The following MAPK10 variants were observed in gnomAD, a reference collection of about 807,000 sequenced individuals.
MAPK10 encodes the protein mitogen-activated protein kinase 10, also known as JNK3 alpha protein kinase.
MAPK10 carries 25 observed loss-of-function variants against 59.3 expected under a neutral mutation model. The ratio of observed to expected loss-of-function variants is 0.42; its 90% CI spans 0.31 to 0.59. MAPK10 has a LOEUF of 0.59. Among genes scored for constraint, MAPK10 ranks in the 20% least tolerant of loss-of-function variants. The pLI, the probability that MAPK10 is intolerant of heterozygous loss-of-function variation, is 0.15. For missense variants in MAPK10, 351 were observed against 568.9 expected (o/e 0.62, Z 3.90); for synonymous variants, 190 against 200.5 (o/e 0.95, Z 0.44).
chr4:86,540,269 G>T (rs544855840), intron 1 of MAPK10, among the ~76,000 whole-genome samples: 1 of 152,376 alleles, frequency 6.6e-6, no homozygotes, highest in African/African-American at 2.4e-5. Flanking sequence ...GGAAGGCCAA[G>T]CTGGGCAGAT....
At chr4:86,018,624 C>T (rs1436524) in intron 13 of MAPK10, among the ~76,000 whole-genome samples, 32,237 of 152,150 alleles carry the variant, frequency 0.21, 4,151 homozygotes, top group African/African-American at 0.35. Flanking sequence ...TTGTGCGATA[C>T]AATTAAACCA....
chr4:86,167,500 T>C (rs7663763), intron 3 of MAPK10, among the ~76,000 whole-genome samples: 22,794 of 152,156 alleles, frequency 0.15, 1,790 homozygotes, highest in African/African-American at 0.2. Context: ...TCCAGCAACA[T>C]ATCAAAAAGC....
At chr4:86,196,737 G>T (rs148108477) in intron 2 of MAPK10, among the ~76,000 whole-genome samples, 12,935 of 152,100 alleles carry the variant, frequency 0.085, 1,214 homozygotes, top group African/African-American at 0.23. Flanking sequence ...AATTTTTGTA[G>T]AAGGTGTAAG....
intron 1 of MAPK10, among the ~76,000 whole-genome samples, chr4:86,375,170 TCAGAAATGTGTGCACACACA>T (rs1254702131): frequency 1.3e-5 from 2 of 152,114 alleles, no homozygotes; most frequent in African/African-American, 4.8e-5. Context: ...ATCAGAGTGC[TCAGAAATGTGTGCACACACA>T]CACATACACA....
At chr4:86,531,073 T>C (rs1757817733) in intron 1 of MAPK10, among the ~76,000 whole-genome samples, 1 of 152,154 alleles carries the variant, frequency 6.6e-6, no homozygotes, top group South Asian at 2.1e-4. Context: ...CACCAAGCTA[T>C]CACTTGGCAC....
chr4:86,451,698 T>C (rs1309313849), intron 1 of MAPK10, among the ~76,000 whole-genome samples: 1 of 152,180 alleles, frequency 6.6e-6, no homozygotes, highest in Non-Finnish European at 1.5e-5. Context: ...CTGAGTTATG[T>C]GCAACCCATG....
chr4:86,578,036 G>C (rs1312581786), intron 1 of MAPK10, among the ~76,000 whole-genome samples: 2 of 152,012 alleles, frequency 1.3e-5, no homozygotes, highest in African/African-American at 2.4e-5. Context: ...TCTAAGGTTG[G>C]TATTACTAAT....
At chr4:86,125,307 A>G (rs1047081008) in intron 4 of MAPK10, 2 of 152,000 alleles carry the variant, frequency 1.3e-5, no homozygotes, top group Non-Finnish European at 2.9e-5. Context: ...AGATTAATAT[A>G]CATGAGATGT....
chr4:86,321,062 A>G (rs1355581461), intron 2 of MAPK10, among the ~76,000 whole-genome samples: 1 of 152,058 alleles, frequency 6.6e-6, no homozygotes, highest in Non-Finnish European at 1.5e-5. Flanking sequence ...TTAGAATGGC[A>G]ATCATTAAAA....
chr4:86,211,933 A>C (rs1424523551), intron 2 of MAPK10, among the ~76,000 whole-genome samples: 1 of 152,152 alleles, frequency 6.6e-6, no homozygotes, highest in Non-Finnish European at 1.5e-5. Context: ...GACACATACA[A>C]AAAACAGTTA....
At chr4:86,490,683 G>A (rs776426184) in intron 1 of MAPK10, among the ~76,000 whole-genome samples, 9 of 152,146 alleles carry the variant, frequency 5.9e-5, no homozygotes, top group Non-Finnish European at 7.3e-5. Context: ...ATTCACCCAC[G>A]CAGAGACAGT....
chr4:86,116,889 T>A (rs372336285), intron 4 of MAPK10, among the ~76,000 whole-genome samples: 34 of 152,344 alleles, frequency 2.2e-4, no homozygotes, highest in African/African-American at 7.9e-4. Flanking sequence ...TTACTATTTT[T>A]AAAATCAATG....
intron 1 of MAPK10, among the ~76,000 whole-genome samples, chr4:86,574,131 C>T (rs1037591647): frequency 2.6e-5 from 4 of 151,900 alleles, no homozygotes; most frequent in Admixed American, 2.6e-4. Flanking sequence ...GTTCAATTCC[C>T]ACCTATGAGT....
intron 2 of MAPK10, among the ~76,000 whole-genome samples, chr4:86,251,409 A>G (rs2093421435): frequency 6.7e-6 from 1 of 148,920 alleles, no homozygotes; most frequent in African/African-American, 2.5e-5. Context: ...CCCACCTATG[A>G]GTGAGAATAT....
At chr4:86,332,135 C>A (rs2096169200) in intron 2 of MAPK10, among the ~76,000 whole-genome samples, 2 of 152,002 alleles carry the variant, frequency 1.3e-5, no homozygotes, top group South Asian at 4.1e-4. Context: ...TGCAAATATA[C>A]TGCAAATATT....
intron 1 of MAPK10, among the ~76,000 whole-genome samples, chr4:86,509,731 G>T (rs1006731879): frequency 2.2e-4 from 33 of 152,260 alleles, no homozygotes; most frequent in African/African-American, 7.9e-4. Context: ...TTGGTCCACA[G>T]CTTTTCTTAG....
intron 2 of MAPK10, among the ~76,000 whole-genome samples, chr4:86,236,928 T>C (rs562893884): frequency 6.6e-6 from 1 of 152,222 alleles, no homozygotes; most frequent in Non-Finnish European, 1.5e-5. Context: ...GTTACACAGG[T>C]ATACATGTGC....
chr4:86,072,753 A>T lies in MAPK10; in HGVS notation c.803-4798T>A, dbSNP rs1285743658. Among the ~76,000 whole-genome samples the T allele has an allele frequency of 2.7e-5, 2 of 73,736 alleles. 1 individual carries two copies. Among genetic ancestry groups the T allele is most frequent in the Admixed American group, 2.4e-4 (2 of 8,510 alleles). 48.4% of individuals were successfully genotyped at this position (73,736 alleles called of 152,430 possible). A position where few individuals can be genotyped will look rare whatever the true frequency, so the allele number is the denominator to read the frequency against. Reference sequence around the variant, plus strand: ...TCCCAGGGATGAAGCCCACTTGATCATGGTGGATAAGCTTTTTGATGTGCT... The same window carrying T: ...TCCCAGGGATGAAGCCCACTTGATCTTGGTGGATAAGCTTTTTGATGTGCT... On this transcript the variant is annotated intron_variant, in intron 9 of 13. Transcript: ENST00000641462.
At chr4:86,534,525 T>C (rs1758088524) in intron 1 of MAPK10, among the ~76,000 whole-genome samples, 1 of 152,164 alleles carries the variant, frequency 6.6e-6, no homozygotes, top group Non-Finnish European at 1.5e-5. Context: ...ACAATGGTAT[T>C]GTGAGATATT....
Sources: gnomAD v4.1 joint callset for allele counts (sites outside exome capture counted in the v4.1 genomes callset) on GRCh38, gnomAD v4.1.1 for gene constraint, MANE v1.5 for transcripts, NCBI Gene and HGNC (gene_info 2026-07-23, HGNC 2026-07-21) for gene names.